The following JMY variants were observed in gnomAD, a reference collection of about 807,000 sequenced individuals.
The protein encoded by JMY is junction-mediating and -regulatory protein.
Under a neutral mutation model 103.3 loss-of-function variants are expected in JMY, and 46 were observed. The ratio of observed to expected loss-of-function variants is 0.45; its 90% CI spans 0.35 to 0.57. JMY has a LOEUF of 0.57. Among genes scored for constraint, JMY ranks in the 20% least tolerant of loss-of-function variants. The probability of loss-of-function intolerance (pLI) is 0.00; values close to 1 mark genes in which losing one functional copy is unlikely to be tolerated. For missense variants in JMY, 1,238 were observed against 1,255.2 expected, an observed-to-expected ratio of 0.99 and a Z score of 0.21; for synonymous variants, 526 against 489.3, an observed-to-expected ratio of 1.07 and a Z score of -0.99.
Position 79,297,265 on chromosome 5 carries a change from A to G in JMY, c.1528-2888A>G, listed in dbSNP as rs528536351. 5.3e-5 allele frequency among the ~76,000 whole-genome samples: 8 copies of G among 152,056 alleles called. No individual in the cohort carries two copies. The South Asian group carries it at 1.2e-3, about 24-fold the overall frequency. On this transcript the variant is annotated intron_variant, in intron 4 of 10. Coordinates refer to ENST00000396137, the MANE Select transcript of JMY (RefSeq NM_152405.5). ...GCTAAGTTAAATTTTAAGATGGCCA[A>G]TTTTTCCTTTGAGTATTTAAACTAC... is the stretch of plus-strand genomic sequence containing the variant.
intron 2 of JMY, among the ~76,000 whole-genome samples, chr5:79,278,294 A>C (rs2112085542): frequency 6.6e-6 from 1 of 152,248 alleles, no homozygotes; most frequent in South Asian, 2.1e-4. Context: ...CTGAGTAGCC[A>C]GGGTTGAGGA....
rs1369273066 is a variant in JMY, at chr5:79,237,009, G to A, written c.359G>A (p.Arg120His). ...GAGGGCGGCTCTCCTCGGAGCACTC[G>A]CAGCCTTCTGGGGGACCCGCGGCTG... The part of the protein sequence containing the change: ...WAEGGSPRST[R>H]SLLGDPRLRS... Residue 120 changes from arginine (R) to histidine (H), a missense_variant, in exon 1 of 11, where the codon CGC (arginine) becomes CAC (histidine). Coordinates refer to ENST00000396137, the MANE Select transcript of JMY (RefSeq NM_152405.5). The A allele has an allele frequency of 3.4e-6, 5 of 1,482,926 alleles. No homozygotes were observed. The highest frequency in any genetic ancestry group is 4.5e-6 in the Non-Finnish European group (5 of 1,117,432). 91.9% of individuals were successfully genotyped at this position (1,482,926 alleles called of 1,614,324 possible). A position where few individuals can be genotyped will look rare whatever the true frequency, so the allele number is the denominator to read the frequency against.
chr5:79,285,947 C>G (rs1312079460), intron 2 of JMY, among the ~76,000 whole-genome samples: 1 of 121,382 alleles, frequency 8.2e-6, no homozygotes, highest in East Asian at 2.3e-4. Context: ...TTTCGCTATC[C>G]TAGCTGACAC....
chr5:79,242,515 G>A (rs1214338848), intron 1 of JMY, among the ~76,000 whole-genome samples: 2 of 152,134 alleles, frequency 1.3e-5, no homozygotes, highest in Non-Finnish European at 2.9e-5. Context: ...AGATCAGTGG[G>A]TGTTTTATAC....
At chr5:79,243,949 A>G (rs1744815430) in intron 1 of JMY, among the ~76,000 whole-genome samples, 1 of 151,690 alleles carries the variant, frequency 6.6e-6, no homozygotes, top group South Asian at 2.1e-4. Flanking sequence ...TCTGCTTGCC[A>G]CTTAACATCA....
At chr5:79,301,015 C>A in intron 6 of JMY, 152 bp downstream of exon 6, 2 of 601,060 alleles carry the variant, frequency 3.3e-6, no homozygotes, top group Non-Finnish European at 2.8e-6. Context: ...CTGAGAATTG[C>A]CCTCTTAAAC....
At position 79,300,761 on chromosome 5, in the gene JMY, C is replaced by T. The variant is rs1172828650; in HGVS notation, c.1779C>T (p.Tyr593=). Residue 593 remains tyrosine (Y), a synonymous_variant, in exon 6 of 11, where the codon TAC becomes TAT. Coordinates refer to ENST00000396137, the MANE Select transcript of JMY (RefSeq NM_152405.5). ...AGGAAGAGATGGCAGCATCTGCGTA[C>T]TTACAGAGAGAAGAGCTGCAGAAAC... ...LEKEEMAASA[Y]LQREELQKLQ... The T allele has an allele frequency of 1.2e-6, 2 of 1,612,282 alleles. No homozygotes were observed. Among genetic ancestry groups the T allele is most frequent in the East Asian group, 2.2e-5 (1 of 44,742 alleles).
chr5:79,312,869 A>G (rs528736439), intron 8 of JMY, among the ~76,000 whole-genome samples: 1 of 152,296 alleles, frequency 6.6e-6, no homozygotes, highest in East Asian at 1.9e-4. Flanking sequence ...GTAATACATC[A>G]AATGACCATT....
At chr5:79,249,805 G>A (rs1176844028) in intron 1 of JMY, among the ~76,000 whole-genome samples, 1 of 152,096 alleles carries the variant, frequency 6.6e-6, no homozygotes, top group African/African-American at 2.4e-5. Context: ...TTTCCCTTAA[G>A]GAAAGATGAA....
intron 1 of JMY, among the ~76,000 whole-genome samples, chr5:79,251,258 A>C (rs974030072): frequency 2.6e-5 from 4 of 152,108 alleles, no homozygotes; most frequent in Non-Finnish European, 5.9e-5. Context: ...TTGAGACAGA[A>C]TATCCCTCCA....
chr5:79,241,214 C>T (rs766638014), intron 1 of JMY, among the ~76,000 whole-genome samples: 2 of 152,134 alleles, frequency 1.3e-5, no homozygotes, highest in Non-Finnish European at 2.9e-5. Flanking sequence ...AGATTGTAAG[C>T]TTTTCAAGGT....
At chr5:79,244,987 AT>A (rs1744847953) in intron 1 of JMY, among the ~76,000 whole-genome samples, 1 of 152,122 alleles carries the variant, frequency 6.6e-6, no homozygotes, top group Non-Finnish European at 1.5e-5. Flanking sequence ...AGGCCAGAAA[AT>A]TTGGAGTTGT....
In JMY at chr5:79,300,732, G is replaced by A; in HGVS notation, c.1750G>A (p.Glu584Lys). The A allele has an allele frequency of 6.2e-7, 1 of 1,611,788 alleles. No individual in the cohort carries two copies. The highest frequency in any genetic ancestry group is 8.5e-7 in the Non-Finnish European group (1 of 1,179,238). The change falls in exon 6 of 11, where the codon GAG (glutamate) becomes AAG (lysine). Residue 584 changes from glutamate (E) to lysine (K), a missense_variant. Transcript: ENST00000396137. ...TTACGAAAGCATGGAGGCCATGCTG[G>A]AGAAGGAAGAGATGGCAGCATCTGC... ...DTYESMEAML[E>K]KEEMAASAYL...
At chr5:79,316,437 T>A (rs1375727037) in intron 10 of JMY, 127 bp downstream of exon 10, 1 of 659,806 alleles carries the variant, frequency 1.5e-6, no homozygotes. Flanking sequence ...TTAGCATGGA[T>A]CACAAATTTA....
chr5:79,291,360 T>C, intron 4 of JMY, 61 bp downstream of exon 4: 1 of 1,416,270 alleles, frequency 7.1e-7, no homozygotes. Context: ...TTTTAATCTT[T>C]GCACAAGACA....
chr5:79,247,668 T>C (rs906623015), intron 1 of JMY, among the ~76,000 whole-genome samples: 1 of 151,698 alleles, frequency 6.6e-6, no homozygotes, highest in Non-Finnish European at 1.5e-5. Flanking sequence ...TTATTTATTT[T>C]TTGAGGCGGA....
At chr5:79,239,517 G>C (rs1400917775) in intron 1 of JMY, among the ~76,000 whole-genome samples, 4 of 152,104 alleles carry the variant, frequency 2.6e-5, no homozygotes, top group Non-Finnish European at 5.9e-5. Flanking sequence ...CAGAAAAAGC[G>C]ACTGTCAGGC....
At chr5:79,294,421 T>A (rs115337336) in intron 4 of JMY, among the ~76,000 whole-genome samples, 4,660 of 151,878 alleles carry the variant, frequency 0.031, 89 homozygotes, top group South Asian at 0.06. Flanking sequence ...AAAATAAAAT[T>A]AAATTAAAAT....
In JMY at chr5:79,288,150, C is replaced by T. The variant is rs115376079; in HGVS notation, c.1207-1971C>T. Among the ~76,000 whole-genome samples the T allele has an allele frequency of 3.0e-3, 458 of 152,344 alleles. 2 individuals carry two copies. Among genetic ancestry groups the T allele is most frequent in the African/African-American group, 0.01 (429 of 41,580 alleles). On this transcript the variant is annotated intron_variant, in intron 2 of 10. Transcript: ENST00000396137. ...GTGGTTTCCTGTCAAATTAAATACACGGTCCTTAGCCTGACATTTTAAATG... is the reference window on the plus strand; with the variant it reads ...GTGGTTTCCTGTCAAATTAAATACATGGTCCTTAGCCTGACATTTTAAATG...
Sources: gnomAD v4.1 joint callset for allele counts (sites outside exome capture counted in the v4.1 genomes callset) on GRCh38, gnomAD v4.1.1 for gene constraint, MANE v1.5 for transcripts, NCBI Gene and HGNC (gene_info 2026-07-23, HGNC 2026-07-21) for gene names.